Variants in JAZF1 observed in about 807,000 individuals in gnomAD.
The protein encoded by JAZF1 is juxtaposed with another zinc finger protein 1.
A neutral mutation model predicts 26.4 loss-of-function variants in JAZF1; 8 were observed. The ratio of observed to expected loss-of-function variants is 0.30; its 90% CI spans 0.18 to 0.55. The LOEUF (loss-of-function observed/expected upper bound fraction) is 0.55, where lower values mean the gene tolerates loss of function less well. Among genes scored for constraint, JAZF1 ranks in the 20% least tolerant of loss-of-function variants. The probability of loss-of-function intolerance (pLI) is 0.94; values close to 1 mark genes in which losing one functional copy is unlikely to be tolerated. For synonymous variants in JAZF1, 126 were observed against 122.3 expected, an observed-to-expected ratio of 1.03 and a Z score of -0.20; for missense variants, 199 against 322.0, an observed-to-expected ratio of 0.62 and a Z score of 2.92.
intron 1 of JAZF1, among the ~76,000 whole-genome samples, chr7:28,049,168 C>T (rs763594251): frequency 3.3e-5 from 5 of 150,902 alleles, no homozygotes; most frequent in Middle Eastern, 3.2e-3. Flanking sequence ...CCACAACCTC[C>T]GCTTCCTGGG....
chr7:27,965,315 A>C (rs1335082409), intron 2 of JAZF1, among the ~76,000 whole-genome samples: 2 of 152,226 alleles, frequency 1.3e-5, no homozygotes, highest in African/African-American at 4.8e-5. Flanking sequence ...TAAGAAAGTA[A>C]AACTGGTGAC....
chr7:27,984,441 A>C (rs746535587), intron 2 of JAZF1, among the ~76,000 whole-genome samples: 2 of 152,334 alleles, frequency 1.3e-5, no homozygotes, highest in Non-Finnish European at 2.9e-5. Context: ...CAGGATCACC[A>C]GATTCATAAA....
At chr7:27,971,895 G>C (rs1017474237) in intron 2 of JAZF1, among the ~76,000 whole-genome samples, 10 of 152,160 alleles carry the variant, frequency 6.6e-5, no homozygotes, top group African/African-American at 2.4e-4. Flanking sequence ...TAGAAAGATT[G>C]GTAAGACATG....
chr7:27,976,070 C>T (rs981026272), intron 2 of JAZF1, among the ~76,000 whole-genome samples: 3 of 152,126 alleles, frequency 2.0e-5, no homozygotes, highest in Admixed American at 6.5e-5. Flanking sequence ...CTGGGCTAGT[C>T]GCGATGGCTC....
intron 1 of JAZF1, among the ~76,000 whole-genome samples, chr7:28,046,430 TTTTA>T (rs1447853963): frequency 6.6e-6 from 1 of 152,204 alleles, no homozygotes; most frequent in African/African-American, 2.4e-5. Context: ...ATACTCCAAA[TTTTA>T]TTTAATCTGT....
intron 4 of JAZF1, among the ~76,000 whole-genome samples, chr7:27,834,664 T>G (rs543633587): frequency 2.0e-5 from 3 of 152,310 alleles, no homozygotes; most frequent in South Asian, 4.1e-4. Flanking sequence ...TGGGTAGATA[T>G]GCCCTGCCAG....
chr7:28,160,294 C>A (rs994472357), intron 1 of JAZF1, among the ~76,000 whole-genome samples: 7 of 152,200 alleles, frequency 4.6e-5, no homozygotes, highest in Non-Finnish European at 1.0e-4. Context: ...CCAGGCAGAA[C>A]TCCGCTGTCA....
At chr7:28,140,892 C>T (rs972487224) in intron 1 of JAZF1, among the ~76,000 whole-genome samples, 2 of 196 alleles carry the variant, frequency 0.01, no homozygotes, top group South Asian at 0.17. Context: ...ACATAAGTTC[C>T]GTAAGAGCCA....
Position 28,095,326 on chromosome 7 carries a change from C to T in JAZF1, c.115+85137G>A, listed in dbSNP as rs146621357. ...TAATTGTCTCACAGTTCAGCATTAT[C>T]GGGGAGGCCTCAGGAAACTTACGAT... On this transcript the variant is annotated intron_variant, in intron 1 of 4. Coordinates refer to ENST00000283928, the MANE Select transcript of JAZF1 (RefSeq NM_175061.4). Among the ~76,000 whole-genome samples the T allele has an allele frequency of 3.2e-3, 489 of 152,178 alleles. 4 individuals are homozygous for T. Among genetic ancestry groups the T allele is most frequent in the African/African-American group, 0.011 (465 of 41,498 alleles).
At position 27,831,388 on chromosome 7, in the gene JAZF1, A is replaced by G; in HGVS notation, c.*1412T>C. ...GAGTTTGTTTTATGGGCAGTTAGCT[A>G]TCTCAAAGCATTTTTTATTGCATTA... On this transcript the variant is annotated 3_prime_UTR_variant, in exon 5 of 5. Transcript: ENST00000283928. 1 of 227,438 alleles carries G rather than the reference A, an allele frequency of 4.4e-6. No individual in the cohort carries two copies. Among genetic ancestry groups the G allele is most frequent in the Non-Finnish European group, 8.8e-6 (1 of 114,118 alleles). The allele number at this position is 227,438 out of a possible 1,614,324, so 14.1% of individuals were successfully genotyped here. A position where few individuals can be genotyped will look rare whatever the true frequency, so the allele number is the denominator to read the frequency against.
chr7:27,960,615 T>C (rs1583481710), intron 2 of JAZF1, among the ~76,000 whole-genome samples: 1 of 152,318 alleles, frequency 6.6e-6, no homozygotes, highest in Non-Finnish European at 1.5e-5. Flanking sequence ...CAGAGAGGGC[T>C]GAGGTTGCTG....
intron 3 of JAZF1, among the ~76,000 whole-genome samples, chr7:27,880,597 C>T (rs1447407216): frequency 6.6e-6 from 1 of 152,004 alleles, no homozygotes; most frequent in African/African-American, 2.4e-5. Flanking sequence ...CATGCCACCG[C>T]ACTCCAGCCT....
At chr7:28,061,093 T>G (rs373320379) in intron 1 of JAZF1, among the ~76,000 whole-genome samples, 1 of 152,246 alleles carries the variant, frequency 6.6e-6, no homozygotes, top group African/African-American at 2.4e-5. Flanking sequence ...TTCCTACTTC[T>G]AAAATGGGAA....
intron 1 of JAZF1, chr7:28,071,759 A>C: frequency 2.5e-6 from 1 of 404,520 alleles, no homozygotes; most frequent in Non-Finnish European, 5.1e-6. Flanking sequence ...ATCTGTGATC[A>C]GAAAAAGTGC....
rs371592759 is a variant in JAZF1, at chr7:27,972,419, T to C, written c.188+19490A>G. On this transcript the variant is annotated intron_variant, in intron 2 of 4. Coordinates refer to ENST00000283928, the MANE Select transcript of JAZF1 (RefSeq NM_175061.4). ...CAAGGGGCAGGAACCCCAACTCTTTTAGGGGAAGGAGGATGGGGGTAAGAG... is the reference window on the plus strand; with the variant it reads ...CAAGGGGCAGGAACCCCAACTCTTTCAGGGGAAGGAGGATGGGGGTAAGAG... Among the ~76,000 whole-genome samples, 14 of 152,222 alleles carry C rather than the reference T, an allele frequency of 9.2e-5. No individual in the cohort carries two copies. In the East Asian group the frequency reaches 1.9e-3, roughly 21 times the overall value.
intron 1 of JAZF1, among the ~76,000 whole-genome samples, chr7:28,164,893 G>A (rs917462807): frequency 3.3e-5 from 5 of 152,132 alleles, no homozygotes; most frequent in Admixed American, 2.0e-4. Context: ...CACTTGGCTC[G>A]GCATGTGGCT....
chr7:28,133,004 T>G (rs1462273189), intron 1 of JAZF1, among the ~76,000 whole-genome samples: 1 of 152,224 alleles, frequency 6.6e-6, no homozygotes, highest in Non-Finnish European at 1.5e-5. Flanking sequence ...GCAGATGTGC[T>G]TTAAGCACAG....
At chr7:28,176,716 T>C (rs1037747714) in intron 1 of JAZF1, among the ~76,000 whole-genome samples, 1 of 152,174 alleles carries the variant, frequency 6.6e-6, no homozygotes, top group Non-Finnish European at 1.5e-5. Flanking sequence ...TATTATTACA[T>C]AAATAAATTC....
chr7:28,052,483 A>G (rs574754242), intron 1 of JAZF1, among the ~76,000 whole-genome samples: 90 of 152,012 alleles, frequency 5.9e-4, no homozygotes, highest in Non-Finnish European at 9.3e-4. Context: ...ACTTCAGTGC[A>G]AAGCAGACAA....
Sources: gnomAD v4.1 joint callset for allele counts (sites outside exome capture counted in the v4.1 genomes callset) on GRCh38, gnomAD v4.1.1 for gene constraint, MANE v1.5 for transcripts, NCBI Gene and HGNC (gene_info 2026-07-23, HGNC 2026-07-21) for gene names.